GON4L: variants seen among roughly 807,000 people sequenced by gnomAD.
GON4L encodes the protein GON-4-like protein.
GON4L carries 87 observed loss-of-function variants against 211.8 expected under a neutral mutation model. That is an observed-to-expected ratio of 0.41 (90% confidence interval 0.35 to 0.49). The LOEUF (loss-of-function observed/expected upper bound fraction) is 0.49. Ranked by LOEUF, GON4L falls within the 20% of genes least tolerant of loss-of-function variation. The probability of loss-of-function intolerance (pLI) is 0.15; values close to 1 mark genes in which losing one functional copy is unlikely to be tolerated. For synonymous variants in GON4L, 875 were observed against 962.6 expected (o/e 0.91, Z 1.68); for missense variants, 2,155 against 2,659.5 (o/e 0.81, Z 4.17).
At chr1:155,820,113 T>G (rs1668605491) in intron 6 of GON4L, among the ~76,000 whole-genome samples, 2 of 151,964 alleles carry the variant, frequency 1.3e-5, no homozygotes. Flanking sequence ...AGAGTTTCAC[T>G]ATGTTGGCCA....
chr1:155,790,125 C>T (rs1336297500), intron 12 of GON4L, among the ~76,000 whole-genome samples: 1 of 151,182 alleles, frequency 6.6e-6, no homozygotes. Flanking sequence ...TTTGAGACAG[C>T]GTCTCACTCT....
At chr1:155,762,526 C>A (rs1029209097) in intron 22 of GON4L, among the ~76,000 whole-genome samples, 152 bp from the exon 23 acceptor site, 1 of 152,190 alleles carries the variant, frequency 6.6e-6, no homozygotes, top group Non-Finnish European at 1.5e-5. Flanking sequence ...GAACTAAGTC[C>A]GTCAAGTCAG....
chr1:155,782,633 T>A (rs1458132205), intron 14 of GON4L, among the ~76,000 whole-genome samples: 1 of 152,070 alleles, frequency 6.6e-6, no homozygotes, highest in Non-Finnish European at 1.5e-5. Flanking sequence ...CTAACAAGAG[T>A]TTTAAATTAT....
rs751091286 is a variant in GON4L, at chr1:155,765,970, T to G, written c.3503A>C (p.Asn1168Thr). Reference sequence around the variant, plus strand: ...CTGGGGACTCTGGGCCACAGCCGCATTGACAGGCTGGATCATGTTACAGCC... The same window carrying G: ...CTGGGGACTCTGGGCCACAGCCGCAGTGACAGGCTGGATCATGTTACAGCC... ...GGGCNMIQPV[N>T]AAVAQSPQTI... Residue 1168 changes from asparagine to threonine, a missense_variant, in exon 21 of 32, where the codon AAT becomes ACT. Asn to Thr is a moderately conservative substitution (Grantham distance 65). Coordinates refer to ENST00000368331, the MANE Select transcript of GON4L (RefSeq NM_001282860.2). 1.2e-6 allele frequency: 2 copies of G among 1,614,000 alleles called. No individual in the cohort carries two copies. The highest frequency in any genetic ancestry group is 1.7e-6 in the Non-Finnish European group (2 of 1,180,026).
chr1:155,845,658 T>C (rs1000817873), intron 2 of GON4L: 2 of 331,874 alleles, frequency 6.0e-6, no homozygotes, highest in Non-Finnish European at 1.2e-5. Context: ...TGGTACCACA[T>C]AGGCCCTAAA....
At chr1:155,818,759 T>C (rs1668482286) in intron 6 of GON4L, among the ~76,000 whole-genome samples, 1 of 152,072 alleles carries the variant, frequency 6.6e-6, no homozygotes, top group Non-Finnish European at 1.5e-5. Context: ...TCCTAGCACA[T>C]TGGGAGGACA....
At chr1:155,782,953 C>T (rs1664574102) in intron 14 of GON4L, among the ~76,000 whole-genome samples, 2 of 152,150 alleles carry the variant, frequency 1.3e-5, no homozygotes, top group African/African-American at 4.8e-5. Flanking sequence ...GCCACTGCGC[C>T]CAGCCTACAC....
chr1:155,802,563 C>T (rs1320428713), intron 11 of GON4L, among the ~76,000 whole-genome samples: 1 of 152,164 alleles, frequency 6.6e-6, no homozygotes, highest in Admixed American at 6.6e-5. Flanking sequence ...TGTCTCTGAT[C>T]ATCCTAAACA....
At chr1:155,831,166 G>A (rs908154824) in intron 2 of GON4L, among the ~76,000 whole-genome samples, 2 of 152,086 alleles carry the variant, frequency 1.3e-5, no homozygotes, top group Non-Finnish European at 2.9e-5. Context: ...AGGCATGGTG[G>A]TGCACACCTG....
At chr1:155,817,892 T>A in intron 6 of GON4L, among the ~76,000 whole-genome samples, 1 of 144,974 alleles carries the variant, frequency 6.9e-6, no homozygotes, top group African/African-American at 2.6e-5. Context: ...TAGGCCACTG[T>A]ACTCTAGCCT....
chr1:155,770,929 A>T, intron 19 of GON4L, 138 bp downstream of exon 19: 1 of 1,215,772 alleles, frequency 8.2e-7, no homozygotes, highest in Non-Finnish European at 1.2e-6. Context: ...AAAAGGCAAT[A>T]GGGGAATTAA....
At chr1:155,833,594 C>A (rs892693381) in intron 2 of GON4L, among the ~76,000 whole-genome samples, 2 of 135,062 alleles carry the variant, frequency 1.5e-5, no homozygotes, top group African/African-American at 5.7e-5. Context: ...TGCAGTGAGC[C>A]GAGATCACAC....
intron 10 of GON4L, among the ~76,000 whole-genome samples, chr1:155,807,227 C>G (rs1346781655): frequency 6.6e-6 from 1 of 151,998 alleles, no homozygotes; most frequent in South Asian, 2.1e-4. Flanking sequence ...CAGCAAGACC[C>G]CCATCTCTAC....
intron 19 of GON4L, among the ~76,000 whole-genome samples, chr1:155,770,503 C>A (rs1489174359): frequency 3.3e-5 from 5 of 152,182 alleles, no homozygotes; most frequent in African/African-American, 1.2e-4. Flanking sequence ...GCACTCCAAA[C>A]AGGATGATAG....
chr1:155,774,021 G>A (rs1663495590), intron 17 of GON4L, among the ~76,000 whole-genome samples: 1 of 152,062 alleles, frequency 6.6e-6, no homozygotes, highest in African/African-American at 2.4e-5. Flanking sequence ...AAGACTCAGG[G>A]ATTTAAAATA....
chr1:155,819,324 G>A (rs1668538388), intron 6 of GON4L, among the ~76,000 whole-genome samples: 1 of 151,196 alleles, frequency 6.6e-6, no homozygotes, highest in African/African-American at 2.4e-5. Context: ...GGAGAAATTG[G>A]GGGATGTATA....
At chr1:155,802,473 C>A (rs1206977764) in intron 11 of GON4L, among the ~76,000 whole-genome samples, 4 of 152,190 alleles carry the variant, frequency 2.6e-5, no homozygotes, top group Admixed American at 2.6e-4. Context: ...CACTTCTACT[C>A]AGATGCCTTC....
chr1:155,805,110 G>A lies in GON4L; in HGVS notation c.1484C>T (p.Thr495Met). 6.2e-7 allele frequency: 1 copy of A among 1,613,562 alleles called. No individual in the cohort carries two copies. Among genetic ancestry groups the A allele is most frequent in the Non-Finnish European group, 8.5e-7 (1 of 1,179,546 alleles). The change falls in exon 11 of 32, where the codon ACG (threonine) becomes ATG (methionine). Residue 495 changes from threonine (T) to methionine (M), a missense_variant. Physicochemically the swap from Thr to Met is moderately conservative, Grantham distance 81 (BLOSUM62 -1). This residue lies in a region of GON4L where 551 missense variants were observed against 854.0 expected (regional missense o/e 0.65). Transcript: ENST00000368331. ...ATCTTTCAGGGGCATCTTAGAACGC[G>A]TTCGAAATGCAATGAGACTGTCATC... ...PMDDSLIAFR[T>M]RSKMPLKDVP... is the part of the protein sequence containing the mutation.
At chr1:155,762,979 T>A (rs573119077) in intron 22 of GON4L, among the ~76,000 whole-genome samples, 8 of 151,298 alleles carry the variant, frequency 5.3e-5, no homozygotes, top group African/African-American at 1.9e-4. Context: ...GAGGTTGCAG[T>A]GAGCCAAGAT....
Sources: allele counts gnomAD v4.1 joint callset (sites outside exome capture counted in the v4.1 genomes callset), GRCh38; gene constraint gnomAD v4.1.1; regional missense constraint gnomAD v4.1.1; transcripts MANE v1.5; gene names NCBI Gene and HGNC (gene_info 2026-07-23, HGNC 2026-07-21).